JAK1: variants seen among roughly 807,000 people sequenced by gnomAD.
JAK1 encodes the protein Janus kinase 1, also known as tyrosine-protein kinase JAK1.
A neutral mutation model predicts 136.6 loss-of-function variants in JAK1; 16 were observed. The observed-to-expected ratio is 0.12, with a 90% CI of 0.08 to 0.18. JAK1 has a LOEUF of 0.18. JAK1 is among the 10% of genes least tolerant of loss of function. JAK1 has a pLI of 1.00. For missense variants in JAK1, 859 were observed against 1,450.1 expected (o/e 0.59, Z 6.62); for synonymous variants, 492 against 519.5 (o/e 0.95, Z 0.72).
chr1:64,867,446 G>A (rs1021676466), intron 6 of JAK1, among the ~76,000 whole-genome samples: 2 of 152,226 alleles, frequency 1.3e-5, no homozygotes, highest in African/African-American at 2.4e-5. Flanking sequence ...AATGGGAATT[G>A]CTACAAGTAT....
chr1:64,850,688 G>A (rs889686716), intron 12 of JAK1, 116 bp downstream of exon 12: 1 of 712,112 alleles, frequency 1.4e-6, no homozygotes, highest in Non-Finnish European at 2.5e-6. Context: ...AAGTCTCCCT[G>A]TTCTTTTTCT....
At chr1:64,872,352 T>C (rs751788263) in intron 5 of JAK1, among the ~76,000 whole-genome samples, 8 of 152,178 alleles carry the variant, frequency 5.3e-5, no homozygotes, top group Non-Finnish European at 1.0e-4. Context: ...TCTCTTAGAA[T>C]TGCAGATTCC....
chr1:64,903,734 C>T (rs542549455), intron 1 of JAK1, among the ~76,000 whole-genome samples: 2 of 152,182 alleles, frequency 1.3e-5, no homozygotes, highest in Non-Finnish European at 2.9e-5. Context: ...AGGGATAAAA[C>T]GACTATGTGG....
rs996973865 is a variant in JAK1 at position 64,855,573 on chromosome 1, C to A, written c.1584G>T (p.Lys528Asn). Residue 528 changes from lysine to asparagine, a missense_variant, in exon 11 of 25, where the codon AAG (lysine) becomes AAT (asparagine). Transcript: ENST00000342505. Reference sequence around the variant, plus strand: ...TGATGTTATCCGTGCGCAGGATCTGCTTCTTGAGGTGGCTCATGAGGTCTC... The same window carrying A: ...TGATGTTATCCGTGCGCAGGATCTGATTCTTGAGGTGGCTCATGAGGTCTC... ...SLGDLMSHLK[K>N]QILRTDNISF... 6.2e-7 allele frequency: 1 copy of A among 1,614,178 alleles called. No homozygotes were observed. Among genetic ancestry groups the A allele is most frequent in the African/African-American group, 1.3e-5 (1 of 75,028 alleles).
At chr1:64,845,724 T>G (rs1012611216) in intron 14 of JAK1, 84 bp from the exon 15 acceptor site, 1 of 1,528,050 alleles carries the variant, frequency 6.5e-7, no homozygotes, top group African/African-American at 1.4e-5. Flanking sequence ...TCCACTTCAG[T>G]GGACACTACT....
intron 1 of JAK1, among the ~76,000 whole-genome samples, chr1:64,964,497 G>C (rs548810487): frequency 5.6e-4 from 85 of 152,320 alleles, no homozygotes; most frequent in African/African-American, 1.9e-3. Context: ...CTGAAATGTA[G>C]TTATATTTTA....
chr1:64,865,751 T>G (rs1195013977), intron 7 of JAK1, among the ~76,000 whole-genome samples: 1 of 152,114 alleles, frequency 6.6e-6, no homozygotes, highest in Non-Finnish European at 1.5e-5. Context: ...AAAATGAGTC[T>G]CATATTTTAT....
At chr1:65,016,452 T>A (rs1646892754) in intron 2 of JAK1, among the ~76,000 whole-genome samples, 1 of 152,108 alleles carries the variant, frequency 6.6e-6, no homozygotes. Context: ...TGAAACCCTG[T>A]CTCTACAAAA....
chr1:64,873,136 T>C (rs1324839010), intron 5 of JAK1, among the ~76,000 whole-genome samples: 2 of 152,144 alleles, frequency 1.3e-5, no homozygotes, highest in African/African-American at 2.4e-5. Context: ...AGGAAAGGAA[T>C]AGGAAAGAAA....
At chr1:64,881,934 CA>C (rs1202801117) in intron 3 of JAK1, among the ~76,000 whole-genome samples, 3 of 151,860 alleles carry the variant, frequency 2.0e-5, no homozygotes, top group Admixed American at 6.6e-5. Flanking sequence ...AGGGAGAAAA[CA>C]AAAAAACAAA....
rs751340879 is a variant in JAK1, at chr1:64,835,518, A to G, written c.3259-12T>C. 6.9e-7 allele frequency: 1 copy of G among 1,453,098 alleles called. No homozygotes were observed. The highest frequency in any genetic ancestry group is 2.3e-5 in the East Asian group (1 of 43,546). The allele number at this position is 1,453,098 out of a possible 1,614,324, so 90.0% of individuals were successfully genotyped here. On this transcript the variant is annotated splice_polypyrimidine_tract_variant and intron_variant, in intron 23 of 24. Coordinates refer to ENST00000342505, the MANE Select transcript of JAK1 (RefSeq NM_002227.4). ...ATTTTCAGGAACAACTATATAAAAT[A>G]AAATCAAACAAAACGTTTAACTTTG...
chr1:64,918,617 G>A (rs1223736772), intron 1 of JAK1: 1 of 177,730 alleles, frequency 5.6e-6, no homozygotes. Context: ...GGGTTCCAAT[G>A]AGCAATACAA....
At chr1:64,931,622 C>T (rs531508176) in intron 1 of JAK1, among the ~76,000 whole-genome samples, 1 of 152,250 alleles carries the variant, frequency 6.6e-6, no homozygotes, top group Non-Finnish European at 1.5e-5. Flanking sequence ...ATTCAGAGGC[C>T]TCAACCTTTG....
At chr1:64,845,366 C>A in intron 15 of JAK1, 147 bp downstream of exon 15, 1 of 880,470 alleles carries the variant, frequency 1.1e-6, no homozygotes, top group South Asian at 1.6e-5. Flanking sequence ...AAGCACCAGG[C>A]ACACCTTTGT....
rs1646576972 is a variant in JAK1, at chr1:64,984,204, T to G, written c.-78+60276A>C. 1.3e-5 allele frequency among the ~76,000 whole-genome samples: 2 copies of G among 152,170 alleles called. 1 individual carries two copies. Among genetic ancestry groups the G allele is most frequent in the South Asian group, 4.1e-4 (2 of 4,830 alleles). ...AGCTGTATGGAAGTGAGGAAGGTGC[T>G]CTTACATAAACCCTGTCTGCCTTCC... On this transcript the variant is annotated intron_variant, in intron 2 of 25. Transcript: ENST00000671954. The surrounding 1 kb of genome is among the most constrained non-coding windows in gnomAD (Gnocchi z 4.1).
intron 10 of JAK1, among the ~76,000 whole-genome samples, chr1:64,857,173 T>C (rs1307609051): frequency 6.6e-6 from 1 of 152,124 alleles, no homozygotes; most frequent in Admixed American, 6.5e-5. Context: ...GGGGTGGCAA[T>C]TTGTTAAAGT....
chr1:64,908,109 A>G (rs944464983), intron 1 of JAK1, among the ~76,000 whole-genome samples: 4 of 152,224 alleles, frequency 2.6e-5, no homozygotes, highest in African/African-American at 9.6e-5. Context: ...CAGACACTTT[A>G]GGAATACCCA....
Position 64,844,037 on chromosome 1 carries a change from C to A in JAK1, c.2403+27G>T, listed in dbSNP as rs760753571. On this transcript the variant is annotated intron_variant, in intron 17 of 24. Transcript: ENST00000342505. The surrounding 1 kb of genome is among the most constrained non-coding windows in gnomAD (Gnocchi z 5.7). ...CGAGCACCTGAAAGCCCTCACTTGC[C>A]TCACGCCCCGGGAAACACCTGCTCA... The A allele has an allele frequency of 1.2e-6, 2 of 1,612,484 alleles. No individual in the cohort carries two copies. Among genetic ancestry groups the A allele is most frequent in the Non-Finnish European group, 1.7e-6 (2 of 1,179,472 alleles).
Position 64,864,783 on chromosome 1 carries a change from T to G in JAK1, c.1176+4A>C. 1 of 1,607,930 alleles carries G rather than the reference T, an allele frequency of 6.2e-7. No homozygotes were observed. The highest frequency in any genetic ancestry group is 8.5e-7 in the Non-Finnish European group (1 of 1,176,370). ...AGACTTAAGAGCTTCTGGGACAAAC[T>G]TACCATTTTCTTGTTGTCCTGCTTG... On this transcript the variant is annotated splice_donor_region_variant and intron_variant, in intron 8 of 24. Coordinates refer to ENST00000342505, the MANE Select transcript of JAK1 (RefSeq NM_002227.4).
Sources: gnomAD v4.1 joint callset for allele counts (sites outside exome capture counted in the v4.1 genomes callset) on GRCh38, gnomAD v4.1.1 for gene constraint, Gnocchi (gnomAD v3.1) non-coding constraint, MANE v1.5 for transcripts, NCBI Gene and HGNC (gene_info 2026-07-23, HGNC 2026-07-21) for gene names.